The following CDH7 variants were observed in gnomAD, a reference collection of about 807,000 sequenced individuals.
CDH7 encodes the protein cadherin-7.
In CDH7, 25 loss-of-function variants were observed where a neutral mutation model predicts 71.8. That is an observed-to-expected ratio of 0.35 (90% CI 0.25 to 0.49). The LOEUF (loss-of-function observed/expected upper bound fraction) is 0.49. Among genes scored for constraint, CDH7 ranks in the 20% least tolerant of loss-of-function variants. The pLI, the probability that CDH7 is intolerant of heterozygous loss-of-function variation, is 0.99. For missense variants in CDH7, 862 were observed against 974.6 expected (o/e 0.88, Z 1.54); for synonymous variants, 381 against 363.8 (o/e 1.05, Z -0.54).
rs1425602106 is a variant in CDH7, at chr18:65,778,480, A to T, written c.210+15428A>T. ...CTCTTCTGCAATCAGCACTTAAAGG[A>T]CTCTGAGAGTGAGCACCTTTTAAAA... On this transcript the variant is annotated intron_variant, in intron 2 of 11. Coordinates refer to ENST00000397968, the MANE Select transcript of CDH7 (RefSeq NM_004361.5). 4.4e-5 allele frequency among the ~76,000 whole-genome samples: 6 copies of T among 137,404 alleles called. 1 individual carries two copies. In the Admixed American group the frequency reaches 4.5e-4, roughly 10 times the overall value. The allele number at this position is 137,404 out of a possible 152,430, so 90.1% of individuals were successfully genotyped here. A position where few individuals can be genotyped will look rare whatever the true frequency, so the allele number is the denominator to read the frequency against.
At chr18:65,856,052 G>C (rs1008197647) in intron 7 of CDH7, among the ~76,000 whole-genome samples, 2 of 152,080 alleles carry the variant, frequency 1.3e-5, no homozygotes, top group Non-Finnish European at 2.9e-5. Flanking sequence ...CTCAGGCAGT[G>C]TTGTGGAGAG....
intron 7 of CDH7, among the ~76,000 whole-genome samples, chr18:65,853,912 T>TATATATATATATATATCC (rs1913238138): frequency 6.8e-5 from 2 of 29,440 alleles, no homozygotes; most frequent in African/African-American, 5.0e-4. Context: ...TTACCATATA[T>TATATATATATATATATCC]ATATATATAT....
At chr18:65,877,197 T>G (rs1914097159) in intron 11 of CDH7, among the ~76,000 whole-genome samples, 1 of 152,104 alleles carries the variant, frequency 6.6e-6, no homozygotes, top group Admixed American at 6.6e-5. Flanking sequence ...AATACCATGT[T>G]TTTCTTTGCC....
At chr18:65,767,961 A>G (rs185308910) in intron 2 of CDH7, among the ~76,000 whole-genome samples, 3 of 152,326 alleles carry the variant, frequency 2.0e-5, no homozygotes, top group Admixed American at 6.5e-5. Flanking sequence ...CAGTTCAGAA[A>G]TGAAGGTTAT....
intron 11 of CDH7, chr18:65,866,315 C>CAAAAAA (rs1568228989): frequency 1.5e-3 from 2 of 1,356 alleles, no homozygotes; most frequent in African/African-American, 3.0e-3. Flanking sequence ...AAAAAAAAAA[C>CAAAAAA]AAAAAAAAAA....
chr18:65,818,153 A>G (rs545723665), intron 4 of CDH7, among the ~76,000 whole-genome samples: 38 of 152,358 alleles, frequency 2.5e-4, no homozygotes, highest in African/African-American at 9.1e-4. Context: ...TCACAATGCA[A>G]TTCAAGTCTC....
intron 1 of CDH7, among the ~76,000 whole-genome samples, chr18:65,760,331 G>A (rs767159274): frequency 8.5e-5 from 13 of 152,136 alleles, no homozygotes; most frequent in Non-Finnish European, 1.8e-4. Flanking sequence ...GTTAAGACAT[G>A]ACTGACCCAG....
intron 7 of CDH7, among the ~76,000 whole-genome samples, chr18:65,846,836 G>A (rs1185640118): frequency 6.6e-6 from 1 of 152,100 alleles, no homozygotes; most frequent in African/African-American, 2.4e-5. Flanking sequence ...GAATAAGAGC[G>A]AGAAAGTAAA....
intron 7 of CDH7, among the ~76,000 whole-genome samples, chr18:65,844,985 T>C (rs1381877294): frequency 1.3e-5 from 2 of 152,086 alleles, no homozygotes; most frequent in Non-Finnish European, 2.9e-5. Context: ...ACTTTTAGAT[T>C]TAAATAATAT....
intron 2 of CDH7, among the ~76,000 whole-genome samples, chr18:65,773,873 G>A (rs1199787394): frequency 3.3e-5 from 5 of 151,882 alleles, no homozygotes; most frequent in African/African-American, 1.2e-4. Flanking sequence ...CTTATTTCTA[G>A]GAGGTGAAAT....
At chr18:65,859,077 T>G (rs1913469903) in intron 9 of CDH7, 31 bp downstream of exon 9, 1 of 1,603,402 alleles carries the variant, frequency 6.2e-7, no homozygotes. Flanking sequence ...TTGCTTCTAA[T>G]TTGTGGTTTC....
chr18:65,778,390 GA>G (rs1345672489), intron 2 of CDH7, among the ~76,000 whole-genome samples: 1 of 151,072 alleles, frequency 6.6e-6, no homozygotes, highest in Non-Finnish European at 1.5e-5. Flanking sequence ...ACCAAACCAG[GA>G]AAAACTGCAC....
intron 2 of CDH7, among the ~76,000 whole-genome samples, chr18:65,790,097 G>A (rs1910658027): frequency 6.6e-6 from 1 of 151,738 alleles, no homozygotes; most frequent in African/African-American, 2.4e-5. Context: ...GGGCATGGTA[G>A]TGGGCGCCTG....
Position 65,880,755 on chromosome 18 carries a change from C to T in CDH7, c.2219C>T (p.Ser740Leu). The T allele has an allele frequency of 6.2e-7, 1 of 1,614,090 alleles. No individual in the cohort carries two copies. The highest frequency in any genetic ancestry group is 8.5e-7 in the Non-Finnish European group (1 of 1,180,010). Residue 740 changes from serine to leucine, a missense_variant, in exon 12 of 12, where the codon TCA becomes TTA. By Grantham distance (145) the Ser-to-Leu change is moderately radical. Coordinates refer to ENST00000397968, the MANE Select transcript of CDH7 (RefSeq NM_004361.5). ...ACATATGCTTTTGAAGGAAATGGCTCAGTTGCTGAATCACTCAGCTCTTTA... is the reference window on the plus strand; with the variant it reads ...ACATATGCTTTTGAAGGAAATGGCTTAGTTGCTGAATCACTCAGCTCTTTA... ...LQTYAFEGNG[S>L]VAESLSSLDS... is the part of the protein sequence containing the mutation.
At chr18:65,879,227 A>G (rs1169402221) in intron 11 of CDH7, among the ~76,000 whole-genome samples, 1 of 152,106 alleles carries the variant, frequency 6.6e-6, no homozygotes, top group Non-Finnish European at 1.5e-5. Context: ...TTTATTTTCA[A>G]AAGTGTTCCT....
chr18:65,852,969 G>C (rs1913203213), intron 7 of CDH7, among the ~76,000 whole-genome samples: 1 of 152,102 alleles, frequency 6.6e-6, no homozygotes, highest in African/African-American at 2.4e-5. Context: ...ATTAATGATG[G>C]TAAAGCCATC....
chr18:65,774,485 G>A (rs567967925), intron 2 of CDH7, among the ~76,000 whole-genome samples: 2 of 151,678 alleles, frequency 1.3e-5, no homozygotes, highest in African/African-American at 4.8e-5. Flanking sequence ...AAATTAAAAC[G>A]ACCTTTTTCA....
chr18:65,788,082 A>G (rs1431364579), intron 2 of CDH7, among the ~76,000 whole-genome samples: 1 of 152,152 alleles, frequency 6.6e-6, no homozygotes, highest in Non-Finnish European at 1.5e-5. Flanking sequence ...ACTGAATTCC[A>G]CCCTTCATTT....
At chr18:65,835,443 C>T (rs1274409233) in intron 6 of CDH7, among the ~76,000 whole-genome samples, 1 of 152,140 alleles carries the variant, frequency 6.6e-6, no homozygotes, top group African/African-American at 2.4e-5. Context: ...GCCCACTTCC[C>T]TCATCATCCT....
Sources: gnomAD v4.1 joint callset for allele counts (sites outside exome capture counted in the v4.1 genomes callset) on GRCh38, gnomAD v4.1.1 for gene constraint, MANE v1.5 for transcripts, NCBI Gene and HGNC (gene_info 2026-07-23, HGNC 2026-07-21) for gene names.